DSE: variants seen among roughly 807,000 people sequenced by gnomAD.
The protein encoded by DSE is dermatan sulfate epimerase, also known as dermatan-sulfate epimerase.
In DSE, 36 loss-of-function variants were observed where a neutral mutation model predicts 84.4. The ratio of observed to expected loss-of-function variants is 0.43; its 90% CI spans 0.33 to 0.56. The LOEUF (loss-of-function observed/expected upper bound fraction) is 0.56. Among genes scored for constraint, DSE ranks in the 20% least tolerant of loss-of-function variants. The pLI, the probability that DSE is intolerant of heterozygous loss-of-function variation, is 0.06. For missense variants in DSE, 862 were observed against 1,169.6 expected (o/e 0.74, Z 3.84); for synonymous variants, 410 against 430.1 (o/e 0.95, Z 0.58).
chr6:116,416,630 A>G (rs936781288), intron 2 of DSE, among the ~76,000 whole-genome samples: 1 of 152,140 alleles, frequency 6.6e-6, no homozygotes, highest in African/African-American at 2.4e-5. Flanking sequence ...ATAACTGCTC[A>G]GTTCTTGCCC....
chr6:116,376,255 C>T (rs183460343), intron 1 of DSE, among the ~76,000 whole-genome samples: 22 of 152,316 alleles, frequency 1.4e-4, no homozygotes, highest in Admixed American at 6.5e-4. Flanking sequence ...CTTCTAATTC[C>T]TGCAAAGCCC....
chr6:116,421,069 C>T lies in DSE; in HGVS notation c.417-5505C>T, dbSNP rs374515461. Among the ~76,000 whole-genome samples the T allele has an allele frequency of 2.4e-4, 37 of 152,310 alleles. No homozygotes were observed. In the East Asian group the frequency reaches 2.7e-3, roughly 11 times the overall value. On this transcript the variant is annotated intron_variant, in intron 2 of 5. Transcript: ENST00000644252. ...CTCATTCTTCCTTTCAGAATCACAA[C>T]TTAATTCATAGACACAGCACATCAT... is the stretch of plus-strand genomic sequence containing the variant.
In DSE at chr6:116,423,399, A is replaced by G. The variant is rs186438978; in HGVS notation, c.417-3175A>G. On this transcript the variant is annotated intron_variant, in intron 2 of 5. Transcript: ENST00000644252. ...GGTATCTTTAATTTCTTCCTATATA[A>G]TAAAGAAAACAAAGCTGGAAATTGT... Among the ~76,000 whole-genome samples, 79 of 152,268 alleles carry G rather than the reference A, an allele frequency of 5.2e-4. 1 individual carries two copies. Among genetic ancestry groups the G allele is most frequent in the African/African-American group, 1.9e-3 (78 of 41,566 alleles).
In DSE at chr6:116,439,689, A is replaced by C. The variant is rs1010020376; in HGVS notation, c.*2344A>C. On this transcript the variant is annotated 3_prime_UTR_variant, in exon 6 of 6. Transcript: ENST00000644252. Reference sequence around the variant, plus strand: ...TATGGAATCTGTTTCAATGCTGCTCACTATGACAGGAATGTTTCAAGTTCA... The same window carrying C: ...TATGGAATCTGTTTCAATGCTGCTCCCTATGACAGGAATGTTTCAAGTTCA... 62 of 152,348 alleles carry C rather than the reference A, an allele frequency of 4.1e-4. No individual in the cohort carries two copies. The highest frequency in any genetic ancestry group is 1.4e-3 in the African/African-American group (59 of 41,580). 9.4% of individuals were successfully genotyped at this position (152,348 alleles called of 1,614,324 possible).
intron 2 of DSE, among the ~76,000 whole-genome samples, chr6:116,292,612 A>G (rs1244267137): frequency 6.6e-6 from 1 of 152,180 alleles, no homozygotes; most frequent in Non-Finnish European, 1.5e-5. Flanking sequence ...AGGGAGCAGC[A>G]TTGTTGGGAG....
chr6:116,437,136 C>G lies in DSE; in HGVS notation c.2668C>G (p.His890Asp). ...FGQARMVTTT[H>D]SRAPSLSASY... Reference sequence around the variant, plus strand: ...ACAGGCACGGATGGTGACAACTACACACAGCAGGGCCCCATCACTGTCTGC... The same window carrying G: ...ACAGGCACGGATGGTGACAACTACAGACAGCAGGGCCCCATCACTGTCTGC... The change falls in exon 6 of 6, where the codon CAC becomes GAC. Residue 890 changes from histidine to aspartate, a missense_variant. By Grantham distance (81) the His-to-Asp change is moderately conservative. Transcript: ENST00000644252. The G allele has an allele frequency of 6.2e-7, 1 of 1,614,112 alleles. No individual in the cohort carries two copies. Among genetic ancestry groups the G allele is most frequent in the Non-Finnish European group, 8.5e-7 (1 of 1,179,998 alleles).
chr6:116,443,112 G>A lies in DSE; in HGVS notation c.*5767G>A, dbSNP rs1333634125. 6.6e-6 allele frequency: 1 copy of A among 152,164 alleles called. No homozygotes were observed. The highest frequency in any genetic ancestry group is 1.5e-5 in the Non-Finnish European group (1 of 68,044). 9.4% of individuals were successfully genotyped at this position (152,164 alleles called of 1,614,324 possible). On this transcript the variant is annotated 3_prime_UTR_variant, in exon 6 of 6. Transcript: ENST00000644252. ...AGAGAGTGGACCCAATGGGGAAGAG[G>A]TTAGGAGACCATTTCCATAGTCTGG...
At chr6:116,318,114 G>A (rs1776091499) in intron 2 of DSE, among the ~76,000 whole-genome samples, 1 of 152,198 alleles carries the variant, frequency 6.6e-6, no homozygotes, top group South Asian at 2.1e-4. Flanking sequence ...CTTGCTGTAT[G>A]ACATGCTGAG....
intron 2 of DSE, among the ~76,000 whole-genome samples, chr6:116,425,474 C>A (rs958654253): frequency 1.3e-5 from 2 of 152,184 alleles, no homozygotes; most frequent in African/African-American, 4.8e-5. Flanking sequence ...CCTTAGAATT[C>A]TGATTGTGAA....
At position 116,410,139 on chromosome 6, in the gene DSE, T is replaced by C. The variant is rs568242891; in HGVS notation, c.416+10473T>C. On this transcript the variant is annotated intron_variant, in intron 2 of 5. Coordinates refer to ENST00000644252, the MANE Select transcript of DSE (RefSeq NM_013352.4). Reference sequence around the variant, plus strand: ...GATTTATGTATGTACGTTAACCTTTTCATTGAAAAATAAAAGTAGAATATT... The same window carrying C: ...GATTTATGTATGTACGTTAACCTTTCCATTGAAAAATAAAAGTAGAATATT... Among the ~76,000 whole-genome samples, 7 of 152,292 alleles carry C rather than the reference T, an allele frequency of 4.6e-5. No individual in the cohort carries two copies. In the South Asian group the frequency reaches 1.5e-3, roughly 32 times the overall value.
At chr6:116,265,842 C>T (rs1772598383) in intron 2 of DSE, among the ~76,000 whole-genome samples, 1 of 152,180 alleles carries the variant, frequency 6.6e-6, no homozygotes, top group African/African-American at 2.4e-5. Context: ...AGGGGACAGC[C>T]TTCCCTAGTT....
chr6:116,283,289 C>T (rs1773656040), intron 2 of DSE, among the ~76,000 whole-genome samples: 1 of 152,206 alleles, frequency 6.6e-6, no homozygotes, highest in African/African-American at 2.4e-5. Flanking sequence ...CTGAGTGCAT[C>T]TTTCCTAAGT....
chr6:116,261,290 C>T (rs1260145511), intron 2 of DSE, among the ~76,000 whole-genome samples: 1 of 151,916 alleles, frequency 6.6e-6, no homozygotes, highest in Non-Finnish European at 1.5e-5. Context: ...TGCAGTGGTG[C>T]GATATCAGTT....
intron 2 of DSE, among the ~76,000 whole-genome samples, chr6:116,336,752 T>C (rs1227815582): frequency 1.8e-5 from 1 of 55,870 alleles, no homozygotes; most frequent in East Asian, 6.5e-4. Flanking sequence ...CAAAACTCCA[T>C]CTCAAAAAAA....
chr6:116,287,595 G>A (rs977809246), intron 2 of DSE, among the ~76,000 whole-genome samples: 2 of 151,990 alleles, frequency 1.3e-5, no homozygotes, highest in African/African-American at 2.4e-5. Context: ...GTGTAAACAT[G>A]TTTAGTGTTT....
intron 2 of DSE, among the ~76,000 whole-genome samples, chr6:116,310,385 G>A (rs1159106542): frequency 6.7e-6 from 1 of 148,768 alleles, no homozygotes; most frequent in Non-Finnish European, 1.5e-5. Flanking sequence ...TTTTTTTTCA[G>A]TTGCTGGTGA....
At chr6:116,362,259 C>G (rs1778943240) in intron 2 of DSE, among the ~76,000 whole-genome samples, 1 of 152,222 alleles carries the variant, frequency 6.6e-6, no homozygotes, top group African/African-American at 2.4e-5. Flanking sequence ...TAAGAATCAC[C>G]TGCAGAGTTT....
At chr6:116,420,628 T>A (rs1783011197) in intron 2 of DSE, among the ~76,000 whole-genome samples, 1 of 152,306 alleles carries the variant, frequency 6.6e-6, no homozygotes, top group Admixed American at 6.5e-5. Context: ...AGCTACCCAG[T>A]CTATGGCATT....
At chr6:116,349,085 T>C (rs1645727567) in intron 2 of DSE, among the ~76,000 whole-genome samples, 1 of 152,188 alleles carries the variant, frequency 6.6e-6, no homozygotes, top group Non-Finnish European at 1.5e-5. Flanking sequence ...ACCTGCACGT[T>C]GTTCTCATGT....
Sources: gnomAD v4.1 joint callset for allele counts (sites outside exome capture counted in the v4.1 genomes callset) on GRCh38, gnomAD v4.1.1 for gene constraint, MANE v1.5 for transcripts, NCBI Gene and HGNC (gene_info 2026-07-23, HGNC 2026-07-21) for gene names.